The following MKKS variants were observed in gnomAD, a reference collection of about 807,000 sequenced individuals.
MKKS encodes MKKS centrosomal shuttling protein, also known as molecular chaperone MKKS.
MKKS carries 29 observed loss-of-function variants against 33.2 expected under a neutral mutation model. The ratio of observed to expected loss-of-function variants is 0.87; its 90% CI spans 0.65 to 1.19. MKKS has a LOEUF of 1.19. Ranked by LOEUF, MKKS falls within the 50% of genes most tolerant of loss-of-function variation. The pLI, the probability that MKKS is intolerant of heterozygous loss-of-function variation, is 0.00. For missense variants in MKKS, 661 were observed against 662.3 expected, an observed-to-expected ratio of 1.00 and a Z score of 0.02; for synonymous variants, 260 against 244.0, an observed-to-expected ratio of 1.07 and a Z score of -0.61.
chr20:10,429,698 T>C (rs2065040932), intron 1 of MKKS, among the ~76,000 whole-genome samples: 1 of 152,184 alleles, frequency 6.6e-6, no homozygotes, highest in South Asian at 2.1e-4. Context: ...CATCCTGCCA[T>C]TTGACATAAG....
chr20:10,404,866 A>G lies in MKKS; in HGVS notation c.*381T>C, dbSNP rs1385169193. 6.0e-6 allele frequency: 1 copy of G among 166,056 alleles called. No homozygotes were observed. The allele number at this position is 166,056 out of a possible 1,614,324, so 10.3% of individuals were successfully genotyped here. ...TGAGATCTAGTTTTATACTTTAAGC[A>G]TATGTAATTACTGCTAACTGGAAAA... On this transcript the variant is annotated 3_prime_UTR_variant, in exon 6 of 6. Transcript: ENST00000347364.
intron 1 of MKKS, among the ~76,000 whole-genome samples, chr20:10,427,027 C>G (rs1200868901): frequency 6.6e-5 from 8 of 122,004 alleles, no homozygotes; most frequent in Non-Finnish European, 1.2e-4. Context: ...AAAGAAAACA[C>G]TGACACACAC....
intron 1 of MKKS, among the ~76,000 whole-genome samples, chr20:10,426,345 C>T (rs960369684): frequency 6.6e-6 from 1 of 152,186 alleles, no homozygotes; most frequent in Non-Finnish European, 1.5e-5. Context: ...ATTTGGAGGG[C>T]GTGAGGCACA....
chr20:10,432,687 C>T (rs555399008), intron 1 of MKKS, among the ~76,000 whole-genome samples: 34 of 148,934 alleles, frequency 2.3e-4, no homozygotes, highest in African/African-American at 8.1e-4. Context: ...CCAAACTTCT[C>T]CGGAGGCTAA....
intron 1 of MKKS, among the ~76,000 whole-genome samples, chr20:10,430,840 G>C (rs981528635): frequency 3.3e-5 from 5 of 152,218 alleles, no homozygotes; most frequent in Non-Finnish European, 7.3e-5. Context: ...GAGCAGCCAA[G>C]TGATCAAATG....
In MKKS at chr20:10,401,474, C is replaced by A. The variant is rs113969451; in HGVS notation, c.*3773G>T. The A allele has an allele frequency of 9.2e-5, 14 of 152,208 alleles. No homozygotes were observed. The East Asian group carries it at 1.9e-3, about 21-fold the overall frequency. 9.4% of individuals were successfully genotyped at this position (152,208 alleles called of 1,614,324 possible). ...CTTTATTTAGACAGCTGAAACAGGG[C>A]CTTGTAGGAGATGTTTAGTCTCTTT... On this transcript the variant is annotated 3_prime_UTR_variant, in exon 6 of 6. Transcript: ENST00000347364.
chr20:10,425,922 T>A (rs2065011608), intron 1 of MKKS, among the ~76,000 whole-genome samples: 1 of 152,202 alleles, frequency 6.6e-6, no homozygotes, highest in Admixed American at 6.5e-5. Context: ...TCAAGAGACA[T>A]GAAATGAGAT....
chr20:10,420,025 T>G (rs188476005), intron 2 of MKKS, among the ~76,000 whole-genome samples: 38 of 152,326 alleles, frequency 2.5e-4, no homozygotes, highest in South Asian at 1.2e-3. Flanking sequence ...TTTTGAGAAC[T>G]TTTTGAATTT....
At chr20:10,417,288 A>G (rs1461502081) in intron 2 of MKKS, among the ~76,000 whole-genome samples, 2 of 151,886 alleles carry the variant, frequency 1.3e-5, no homozygotes, top group Non-Finnish European at 2.9e-5. Flanking sequence ...TTTATAATGG[A>G]AAGAAACACT....
intron 3 of MKKS, among the ~76,000 whole-genome samples, chr20:10,410,586 C>T (rs540844229): frequency 3.0e-4 from 45 of 152,288 alleles, no homozygotes; most frequent in Middle Eastern, 3.4e-3. Context: ...CGAGATTGCG[C>T]CACTGCACTC....
At chr20:10,416,302 T>A (rs1354201334) in intron 2 of MKKS, among the ~76,000 whole-genome samples, 1 of 152,132 alleles carries the variant, frequency 6.6e-6, no homozygotes, top group Non-Finnish European at 1.5e-5. Flanking sequence ...TGGAGTTCTT[T>A]GGCAAAAAGA....
At chr20:10,430,226 T>G (rs1568674942) in intron 1 of MKKS, among the ~76,000 whole-genome samples, 3 of 152,156 alleles carry the variant, frequency 2.0e-5, no homozygotes. Context: ...AAGAATGCAT[T>G]GTCATGTAGT....
At chr20:10,412,503 G>A in intron 3 of MKKS, 27 bp downstream of exon 3, 1 of 1,609,556 alleles carries the variant, frequency 6.2e-7, no homozygotes, top group Non-Finnish European at 8.5e-7. Context: ...TTAACTGTAA[G>A]AGGCAAAAGC....
chr20:10,427,238 A>T (rs1162142503), intron 1 of MKKS, among the ~76,000 whole-genome samples: 1 of 152,222 alleles, frequency 6.6e-6, no homozygotes, highest in African/African-American at 2.4e-5. Context: ...ACTTGGATGC[A>T]GGGAATGTTA....
In MKKS at chr20:10,434,124, G is replaced by C. The variant is rs1475747525; in HGVS notation, c.-665C>G. 2.0e-5 allele frequency: 3 copies of C among 148,394 alleles called. No homozygotes were observed. In the Admixed American group the frequency reaches 2.0e-4, roughly 10 times the overall value. The allele number at this position is 148,394 out of a possible 1,614,324, so 9.2% of individuals were successfully genotyped here. A position where few individuals can be genotyped will look rare whatever the true frequency, so the allele number is the denominator to read the frequency against. On this transcript the variant is annotated 5_prime_UTR_variant, in exon 1 of 6. Coordinates refer to ENST00000347364, the MANE Select transcript of MKKS (RefSeq NM_170784.3). ...CGCTCTCACCTGCGCACCAGCCGTC[G>C]CGCCGCCCCAGGCCGCCACCGCCAG... is the stretch of plus-strand genomic sequence containing the variant.
At position 10,413,228 on chromosome 20, in the gene MKKS, G is replaced by T. The variant is rs2064908338; in HGVS notation, c.287C>A (p.Ala96Asp). ...SSFSDCGLFT[A>D]ILCCNLIENV... ...TTCAATCAGGTTGCAGCAAAGAATAGCTGTGAATAAGCCACAATCACTGAA... is the reference window on the plus strand; with the variant it reads ...TTCAATCAGGTTGCAGCAAAGAATATCTGTGAATAAGCCACAATCACTGAA... The change falls in exon 3 of 6, where the codon GCT (alanine) becomes GAT (aspartate). Residue 96 changes from alanine (A) to aspartate (D), a missense_variant. Transcript: ENST00000347364. 3.7e-6 allele frequency: 6 copies of T among 1,614,066 alleles called. No homozygotes were observed. Among genetic ancestry groups the T allele is most frequent in the Non-Finnish European group, 5.1e-6 (6 of 1,180,036 alleles).
At chr20:10,427,851 T>C (rs1357683816) in intron 1 of MKKS, among the ~76,000 whole-genome samples, 1 of 152,234 alleles carries the variant, frequency 6.6e-6, no homozygotes, top group East Asian at 1.9e-4. Context: ...AAGTTTCCAT[T>C]CTGCAAATCC....
At position 10,434,205 on chromosome 20, in the gene MKKS, C is replaced by A. The variant is rs1264143915; in HGVS notation, c.-746G>T. ...TGCTGCCGCGGATCCCGACAACCTT[C>A]GCGTCGCGCGAGGGCACGGAGCACG... On this transcript the variant is annotated 5_prime_UTR_variant, in exon 1 of 6. Transcript: ENST00000347364. 1 of 152,294 alleles carries A rather than the reference C, an allele frequency of 6.6e-6. No individual in the cohort carries two copies. The highest frequency in any genetic ancestry group is 1.5e-5 in the Non-Finnish European group (1 of 68,092). The allele number at this position is 152,294 out of a possible 1,614,324, so 9.4% of individuals were successfully genotyped here.
intron 1 of MKKS, among the ~76,000 whole-genome samples, chr20:10,428,451 C>T (rs575620739): frequency 6.6e-6 from 1 of 152,334 alleles, no homozygotes; most frequent in South Asian, 2.1e-4. Flanking sequence ...ACCTTCATTT[C>T]TGCAGATAAC....
Sources: allele counts gnomAD v4.1 joint callset (sites outside exome capture counted in the v4.1 genomes callset), GRCh38; gene constraint gnomAD v4.1.1; transcripts MANE v1.5; gene names NCBI Gene and HGNC (gene_info 2026-07-23, HGNC 2026-07-21).